PKNOX2: variants seen among roughly 807,000 people sequenced by gnomAD.
PKNOX2 encodes PBX/knotted 1 homeobox 2.
In PKNOX2, 14 loss-of-function variants were observed where a neutral mutation model predicts 53.1. The observed-to-expected ratio is 0.26, with a 90% CI of 0.17 to 0.41. The LOEUF (loss-of-function observed/expected upper bound fraction) is 0.41. Ranked by LOEUF, PKNOX2 falls within the 10% of genes least tolerant of loss-of-function variation. The pLI is 1.00. For synonymous variants in PKNOX2, 257 were observed against 242.8 expected, an observed-to-expected ratio of 1.06 and a Z score of -0.54; for missense variants, 496 against 602.8, an observed-to-expected ratio of 0.82 and a Z score of 1.85.
chr11:125,206,365 TAG>T (rs942291925), intron 1 of PKNOX2, among the ~76,000 whole-genome samples: 3 of 151,776 alleles, frequency 2.0e-5, no homozygotes, highest in African/African-American at 7.3e-5. Context: ...GGGTGTTAGG[TAG>T]AAAGATTACT....
rs536122876 is a variant in PKNOX2 at position 125,192,822 on chromosome 11, C to T, written c.-201+28046C>T. Among the ~76,000 whole-genome samples, 241 of 152,104 alleles carry T rather than the reference C, an allele frequency of 1.6e-3. 2 individuals are homozygous for T. Among genetic ancestry groups the T allele is most frequent in the Middle Eastern group, 3.4e-3 (1 of 294 alleles). ...CACAGGAAATCACGGCCAGCCAGGT[C>T]GAGGGGGCTTGGTTTTGCTTTTTTG... On this transcript the variant is annotated intron_variant, in intron 1 of 12. Coordinates refer to ENST00000298282, the MANE Select transcript of PKNOX2 (RefSeq NM_001382323.2).
intron 10 of PKNOX2, among the ~76,000 whole-genome samples, chr11:125,415,144 G>A (rs1955801752): frequency 2.0e-5 from 3 of 152,026 alleles, no homozygotes; most frequent in South Asian, 2.1e-4. Context: ...CCCAAGGTAC[G>A]GAGCTTTATA....
intron 1 of PKNOX2, among the ~76,000 whole-genome samples, chr11:125,233,771 A>G (rs568941309): frequency 1.2e-4 from 18 of 152,336 alleles, no homozygotes; most frequent in African/African-American, 4.3e-4. Flanking sequence ...CTTCTAACTG[A>G]AATTCCACCT....
At chr11:125,419,310 C>G (rs192849334) in intron 10 of PKNOX2, among the ~76,000 whole-genome samples, 49 of 151,686 alleles carry the variant, frequency 3.2e-4, no homozygotes, top group Non-Finnish European at 7.1e-4. Flanking sequence ...TTCTTTGTCC[C>G]GATACAGGCA....
intron 1 of PKNOX2, among the ~76,000 whole-genome samples, chr11:125,190,476 A>C (rs1018025034): frequency 6.6e-6 from 1 of 152,184 alleles, no homozygotes; most frequent in African/African-American, 2.4e-5. Flanking sequence ...TTCTCTCAAA[A>C]TACGGTACTC....
At chr11:125,269,614 CT>C (rs1332966033) in intron 2 of PKNOX2, among the ~76,000 whole-genome samples, 1 of 152,144 alleles carries the variant, frequency 6.6e-6, no homozygotes, top group East Asian at 1.9e-4. Context: ...TCTTTGTGTG[CT>C]TTTGGTTGAT....
rs138939194 is a variant in PKNOX2 at position 125,276,227 on chromosome 11, GA to G, written c.-130+41113del. Among the ~76,000 whole-genome samples the G allele has an allele frequency of 3.3e-4, 50 of 152,322 alleles. No homozygotes were observed. The East Asian group carries it at 9.4e-3, about 29-fold the overall frequency. On this transcript the variant is annotated intron_variant, in intron 2 of 12. Transcript: ENST00000298282. ...AGTGGAGCGGTGGGTAATAAAGCCT[GA>G]TTGGGGCAGGTTGAGGAGAGAATGG...
At chr11:125,207,435 C>T (rs534656938) in intron 1 of PKNOX2, among the ~76,000 whole-genome samples, 4 of 151,820 alleles carry the variant, frequency 2.6e-5, no homozygotes, top group South Asian at 2.1e-4. Context: ...ATGTGCAGAG[C>T]GGGAGGAGCA....
intron 10 of PKNOX2, among the ~76,000 whole-genome samples, chr11:125,417,368 C>G (rs541178542): frequency 6.6e-6 from 1 of 152,182 alleles, no homozygotes; most frequent in East Asian, 1.9e-4. Flanking sequence ...CAGGCCCCAG[C>G]AGGCCCTGCC....
chr11:125,222,775 GTGTA>G (rs1216655686), intron 1 of PKNOX2, among the ~76,000 whole-genome samples: 2 of 151,516 alleles, frequency 1.3e-5, no homozygotes, highest in African/African-American at 4.9e-5. Flanking sequence ...GTATGTGTGT[GTGTA>G]TGTGTGTATG....
At chr11:125,264,763 A>G (rs531601041) in intron 2 of PKNOX2, among the ~76,000 whole-genome samples, 44 of 151,610 alleles carry the variant, frequency 2.9e-4, no homozygotes, top group African/African-American at 1.0e-3. Context: ...AATTTCTCTA[A>G]GCCCTGGGAA....
At chr11:125,263,628 G>A (rs569118138) in intron 2 of PKNOX2, among the ~76,000 whole-genome samples, 2 of 152,382 alleles carry the variant, frequency 1.3e-5, no homozygotes, top group African/African-American at 4.8e-5. Flanking sequence ...GGAGCAGCGC[G>A]GGAGGGGGAG....
At chr11:125,310,885 T>G (rs1372541198) in intron 2 of PKNOX2, among the ~76,000 whole-genome samples, 38 of 152,188 alleles carry the variant, frequency 2.5e-4, no homozygotes, top group Admixed American at 2.5e-3. Flanking sequence ...GGGAGTTCAA[T>G]CGTTTGCTTT....
chr11:125,186,852 T>C (rs1157089445), intron 1 of PKNOX2, among the ~76,000 whole-genome samples: 2 of 152,230 alleles, frequency 1.3e-5, no homozygotes, highest in Non-Finnish European at 2.9e-5. Context: ...TTAACTCTTA[T>C]ATTTAGGTTG....
At chr11:125,411,691 C>T (rs1955560807) in intron 9 of PKNOX2, 55 bp from the exon 10 acceptor site, 1 of 1,612,686 alleles carries the variant, frequency 6.2e-7, no homozygotes. Flanking sequence ...AACAGGTCCC[C>T]AGCCGCTGCC....
chr11:125,231,359 C>G (rs1007203377), intron 1 of PKNOX2, among the ~76,000 whole-genome samples: 1 of 152,226 alleles, frequency 6.6e-6, no homozygotes, highest in Non-Finnish European at 1.5e-5. Flanking sequence ...TCCAAATAAG[C>G]ATGACCATTC....
At chr11:125,324,085 C>T (rs1385327440) in intron 2 of PKNOX2, among the ~76,000 whole-genome samples, 2 of 152,100 alleles carry the variant, frequency 1.3e-5, no homozygotes, top group Non-Finnish European at 1.5e-5. Flanking sequence ...AATGAAATGT[C>T]ACCGACTCAC....
chr11:125,278,496 C>T (rs115692295), intron 2 of PKNOX2, among the ~76,000 whole-genome samples: 3 of 152,134 alleles, frequency 2.0e-5, no homozygotes, highest in Non-Finnish European at 2.9e-5. Flanking sequence ...CTCAGACTCC[C>T]GATGATGGCT....
intron 5 of PKNOX2, among the ~76,000 whole-genome samples, chr11:125,378,166 C>T (rs774633772): frequency 8.5e-5 from 13 of 152,218 alleles, no homozygotes; most frequent in Admixed American, 1.3e-4. Context: ...AGGCTCAGAA[C>T]GCCAGTCCTC....
Sources: allele counts gnomAD v4.1 joint callset (sites outside exome capture counted in the v4.1 genomes callset), GRCh38; gene constraint gnomAD v4.1.1; transcripts MANE v1.5; gene names NCBI Gene and HGNC (gene_info 2026-07-23, HGNC 2026-07-21).